The following DENND4C variants were observed in gnomAD, a reference collection of about 807,000 sequenced individuals.
The protein encoded by DENND4C is DENN domain-containing protein 4C.
DENND4C carries 108 observed loss-of-function variants against 203.0 expected under a neutral mutation model. The observed-to-expected ratio is 0.53, with a 90% CI of 0.46 to 0.62. The LOEUF is 0.62. DENND4C is among the 20% of genes least tolerant of loss of function. The probability of loss-of-function intolerance (pLI) is 0.00; values close to 1 mark genes in which losing one functional copy is unlikely to be tolerated. For synonymous variants in DENND4C, 871 were observed against 792.4 expected, an observed-to-expected ratio of 1.10 and a Z score of -1.67; for missense variants, 2,481 against 2,301.2, an observed-to-expected ratio of 1.08 and a Z score of -1.60.
chr9:19,342,982 G>A (rs188867331), intron 22 of DENND4C, among the ~76,000 whole-genome samples: 29 of 152,270 alleles, frequency 1.9e-4, no homozygotes, highest in Non-Finnish European at 1.2e-4. Context: ...AGTATTTAGT[G>A]TGTTTGTTAT....
chr9:19,356,788 T>TGTGTGAGAGA (rs1266119304), intron 26 of DENND4C, among the ~76,000 whole-genome samples, 184 bp from the exon 27 acceptor site: 26 of 140,418 alleles, frequency 1.9e-4, no homozygotes, highest in African/African-American at 7.3e-4. Context: ...TGTGTGTGTG[T>TGTGTGAGAGA]GAGAGAGAGA....
At chr9:19,344,025 G>A (rs539473419) in intron 22 of DENND4C, among the ~76,000 whole-genome samples, 10 of 152,254 alleles carry the variant, frequency 6.6e-5, no homozygotes, top group Non-Finnish European at 1.3e-4. Flanking sequence ...TTTAATTCCC[G>A]TGAAGGCTTA....
At chr9:19,238,661 C>CT (rs34648939) in intron 1 of DENND4C, among the ~76,000 whole-genome samples, 2,054 of 80,638 alleles carry the variant, frequency 0.025, 88 homozygotes, top group Middle Eastern at 0.058. Flanking sequence ...TCCCCTGCCC[C>CT]TTTTTTTTTG....
intron 26 of DENND4C, among the ~76,000 whole-genome samples, chr9:19,353,042 A>G (rs1157124662): frequency 6.6e-6 from 1 of 152,150 alleles, no homozygotes; most frequent in African/African-American, 2.4e-5. Flanking sequence ...AGGCTGACAT[A>G]GGAGGATCGC....
At chr9:19,238,125 C>T (rs1476857665) in intron 1 of DENND4C, among the ~76,000 whole-genome samples, 1 of 151,236 alleles carries the variant, frequency 6.6e-6, no homozygotes, top group Non-Finnish European at 1.5e-5. Context: ...TCGTGTTGCC[C>T]AGGCTGGAGT....
At chr9:19,361,388 A>G (rs1826465585) in intron 29 of DENND4C, among the ~76,000 whole-genome samples, 1 of 152,244 alleles carries the variant, frequency 6.6e-6, no homozygotes, top group Non-Finnish European at 1.5e-5. Flanking sequence ...TCCTGATTCC[A>G]TTAGAGACAG....
chr9:19,262,443 C>T (rs1829611562), intron 1 of DENND4C, among the ~76,000 whole-genome samples: 2 of 130,704 alleles, frequency 1.5e-5, no homozygotes, highest in South Asian at 2.5e-4. Flanking sequence ...CCAAATATAT[C>T]ATATCTTTTT....
chr9:19,296,364 CTT>C (rs749134604), intron 6 of DENND4C, 118 bp downstream of exon 6: 10,949 of 467,368 alleles, frequency 0.023, no homozygotes, highest in South Asian at 0.03. Flanking sequence ...TTTAACTGAA[CTT>C]TTTTTTTTTT....
In DENND4C at chr9:19,346,297, G is replaced by A. The variant is rs748938853; in HGVS notation, c.3528G>A (p.Pro1176=). 25 of 1,614,006 alleles carry A rather than the reference G, an allele frequency of 1.5e-5. No individual in the cohort carries two copies. Among genetic ancestry groups the A allele is most frequent in the South Asian group, 4.4e-5 (4 of 91,066 alleles). ...STWNPEHRSS[P]VPEMLEESQE... ...GGAATCCTGAGCACAGATCATCTCC[G>A]GTGCCAGAGATGCTTGAGGAAAGCC... The change falls in exon 23 of 33, where the codon CCG becomes CCA. Residue 1176 remains proline (P), a synonymous_variant. Transcript: ENST00000434457.
chr9:19,232,198 C>T (rs150345333), intron 1 of DENND4C, among the ~76,000 whole-genome samples: 2 of 152,028 alleles, frequency 1.3e-5, no homozygotes, highest in East Asian at 3.9e-4. Flanking sequence ...ACTGGGAAGT[C>T]GGCAATGAAG....
At chr9:19,296,511 C>G (rs900741721) in intron 6 of DENND4C, among the ~76,000 whole-genome samples, 2 of 151,790 alleles carry the variant, frequency 1.3e-5, no homozygotes, top group East Asian at 1.9e-4. Context: ...TTACAGGCAC[C>G]TGCCACCACG....
At chr9:19,255,987 C>T (rs1827820203) in intron 1 of DENND4C, among the ~76,000 whole-genome samples, 1 of 151,854 alleles carries the variant, frequency 6.6e-6, no homozygotes, top group Non-Finnish European at 1.5e-5. Flanking sequence ...CCTGTAATCC[C>T]AGCACTTTGG....
Position 19,326,107 on chromosome 9 carries a change from A to G in DENND4C, c.2033A>G (p.Asp678Gly), listed in dbSNP as rs777188409. 1.9e-6 allele frequency: 3 copies of G among 1,613,116 alleles called. No homozygotes were observed. The highest frequency in any genetic ancestry group is 2.5e-6 in the Non-Finnish European group (3 of 1,179,634). ...SAEDTRLIEL[D>G]DSQKSEHTVF... Reference sequence around the variant, plus strand: ...GAAGATACCAGATTGATAGAACTAGATGATTCACAGAAAAGTGAGCATACT... The same window carrying G: ...GAAGATACCAGATTGATAGAACTAGGTGATTCACAGAAAAGTGAGCATACT... The change falls in exon 15 of 33, where the codon GAT becomes GGT. Residue 678 changes from aspartate (D) to glycine (G), a missense_variant. By Grantham distance (94) the Asp-to-Gly change is moderately conservative. Around this residue, in one of 3 missense-constraint regions of DENND4C, gnomAD observed 2,289 missense variants for 2,113.3 expected, o/e 1.08. Transcript: ENST00000434457.
intron 10 of DENND4C, among the ~76,000 whole-genome samples, chr9:19,310,374 A>G (rs115084221): frequency 2.4e-3 from 368 of 152,350 alleles, no homozygotes; most frequent in African/African-American, 8.0e-3. Context: ...TTGATATACA[A>G]CAGGGATTGA....
intron 16 of DENND4C, 75 bp from the exon 17 acceptor site, chr9:19,331,903 T>C: frequency 7.4e-7 from 1 of 1,359,424 alleles, no homozygotes; most frequent in South Asian, 1.3e-5. Context: ...AATTCTCCTC[T>C]CCCTTTTCCT....
chr9:19,322,559 A>C (rs1843053309), intron 12 of DENND4C, among the ~76,000 whole-genome samples: 1 of 151,870 alleles, frequency 6.6e-6, no homozygotes, highest in Non-Finnish European at 1.5e-5. Flanking sequence ...CAGGAGATGG[A>C]GACCATCCTG....
chr9:19,258,335 AT>A (rs1437351486), intron 1 of DENND4C, among the ~76,000 whole-genome samples: 1 of 152,164 alleles, frequency 6.6e-6, no homozygotes, highest in Non-Finnish European at 1.5e-5. Flanking sequence ...AGAGGAGGAA[AT>A]TTTTCCCAAC....
chr9:19,341,370 G>T (rs1050478672), intron 21 of DENND4C, among the ~76,000 whole-genome samples: 1 of 148,442 alleles, frequency 6.7e-6, no homozygotes, highest in Non-Finnish European at 1.5e-5. Flanking sequence ...TGAGTGCAGT[G>T]GCGAGAACAT....
intron 1 of DENND4C, among the ~76,000 whole-genome samples, chr9:19,260,959 G>A (rs1324564683): frequency 6.6e-6 from 1 of 152,120 alleles, no homozygotes; most frequent in African/African-American, 2.4e-5. Flanking sequence ...GTCCTGGAGA[G>A]TATCCCCAAT....
Sources: allele counts gnomAD v4.1 joint callset (sites outside exome capture counted in the v4.1 genomes callset), GRCh38; gene constraint gnomAD v4.1.1; regional missense constraint gnomAD v4.1.1; transcripts MANE v1.5; gene names NCBI Gene and HGNC (gene_info 2026-07-23, HGNC 2026-07-21).